Variants in FNDC3B observed in about 807,000 individuals in gnomAD.
The protein encoded by FNDC3B is fibronectin type III domain containing 3B.
Under a neutral mutation model 151.5 loss-of-function variants are expected in FNDC3B, and 12 were observed. That is an observed-to-expected ratio of 0.08 (90% CI 0.05 to 0.13). FNDC3B has a LOEUF of 0.13. Ranked by LOEUF, FNDC3B falls within the 10% of genes least tolerant of loss-of-function variation. The pLI is 1.00. For missense variants in FNDC3B, 1,214 were observed against 1,505.3 expected, an observed-to-expected ratio of 0.81 and a Z score of 3.20; for synonymous variants, 528 against 549.0, an observed-to-expected ratio of 0.96 and a Z score of 0.54.
chr3:172,365,441 C>T (rs1481697951), intron 23 of FNDC3B, among the ~76,000 whole-genome samples: 1 of 152,168 alleles, frequency 6.6e-6, no homozygotes, highest in East Asian at 1.9e-4. Context: ...ACTTTTCTTT[C>T]TTACCTGCAG....
At chr3:172,329,138 T>A in intron 12 of FNDC3B, 62 bp downstream of exon 12, 1 of 1,552,920 alleles carries the variant, frequency 6.4e-7, no homozygotes. Flanking sequence ...AGCCTTCTTT[T>A]ACATAGCTGG....
intron 6 of FNDC3B, among the ~76,000 whole-genome samples, chr3:172,269,575 T>C (rs1037058006): frequency 6.6e-6 from 1 of 152,170 alleles, no homozygotes; most frequent in African/African-American, 2.4e-5. Flanking sequence ...CAGCCTATTC[T>C]GGATTCTTCA....
chr3:172,149,932 C>T (rs113547644), intron 3 of FNDC3B, among the ~76,000 whole-genome samples: 2,643 of 149,984 alleles, frequency 0.018, 68 homozygotes, highest in African/African-American at 0.054. Flanking sequence ...GATTCTCGAG[C>T]CTCAGCCTCT....
chr3:172,119,340 T>C (rs528607576), intron 2 of FNDC3B, among the ~76,000 whole-genome samples: 1 of 145,774 alleles, frequency 6.9e-6, no homozygotes, highest in African/African-American at 2.6e-5. Flanking sequence ...GTTCTTGCCC[T>C]AAAGGAATGA....
intron 11 of FNDC3B, among the ~76,000 whole-genome samples, chr3:172,325,375 C>T (rs1304688312): frequency 6.6e-6 from 1 of 152,186 alleles, no homozygotes; most frequent in East Asian, 1.9e-4. Context: ...TGTCATTTAC[C>T]ATCTCTAAAA....
chr3:172,114,205 C>T (rs747481285), intron 2 of FNDC3B, among the ~76,000 whole-genome samples: 2 of 152,162 alleles, frequency 1.3e-5, no homozygotes, highest in Non-Finnish European at 2.9e-5. Flanking sequence ...CTGTCATTCT[C>T]TGCCTGCTCT....
chr3:172,212,565 T>C (rs933933248), intron 3 of FNDC3B, among the ~76,000 whole-genome samples: 1 of 152,234 alleles, frequency 6.6e-6, no homozygotes, highest in Non-Finnish European at 1.5e-5. Flanking sequence ...TTGAGGATGA[T>C]AGCAGGAAGA....
At position 172,276,327 on chromosome 3, in the gene FNDC3B, C is replaced by A. The variant is rs1729430788; in HGVS notation, c.791-9599C>A. On this transcript the variant is annotated intron_variant, in intron 6 of 25. Coordinates refer to ENST00000415807, the MANE Select transcript of FNDC3B (RefSeq NM_022763.4). Reference sequence around the variant, plus strand: ...AGGCCCAGAAGATAGCTTGAAGAGCCTCCTGCTGGCTACATTTAGGGCAAA... The same window carrying A: ...AGGCCCAGAAGATAGCTTGAAGAGCATCCTGCTGGCTACATTTAGGGCAAA... Among the ~76,000 whole-genome samples the A allele has an allele frequency of 2.6e-5, 4 of 152,242 alleles. No individual in the cohort carries two copies. The South Asian group carries it at 8.3e-4, about 32-fold the overall frequency.
At position 172,052,213 on chromosome 3, in the gene FNDC3B, G is replaced by A. The variant is rs541146879; in HGVS notation, c.-29+12442G>A. Reference sequence around the variant, plus strand: ...GATCCTTCCACCCTCAGCCTCCCACGTGAATGCCACTATGCCCAGATAATT... The same window carrying A: ...GATCCTTCCACCCTCAGCCTCCCACATGAATGCCACTATGCCCAGATAATT... On this transcript the variant is annotated intron_variant, in intron 1 of 25. Coordinates refer to ENST00000415807, the MANE Select transcript of FNDC3B (RefSeq NM_022763.4). Among the ~76,000 whole-genome samples, 652 of 150,210 alleles carry A rather than the reference G, an allele frequency of 4.3e-3. 4 individuals are homozygous for A. The highest frequency in any genetic ancestry group is 0.015 in the African/African-American group (628 of 40,886).
At chr3:172,147,708 T>G (rs1476307409) in intron 3 of FNDC3B, among the ~76,000 whole-genome samples, 1 of 152,158 alleles carries the variant, frequency 6.6e-6, no homozygotes, top group African/African-American at 2.4e-5. Flanking sequence ...AAATTTGTAT[T>G]TCTGAGATGT....
intron 11 of FNDC3B, among the ~76,000 whole-genome samples, chr3:172,326,827 A>G (rs1252218258): frequency 1.3e-5 from 2 of 152,054 alleles, no homozygotes; most frequent in Non-Finnish European, 2.9e-5. Context: ...TTTACTGGCT[A>G]CAGTTCTAAG....
At position 172,220,942 on chromosome 3, in the gene FNDC3B, A is replaced by C. The variant is rs1726249197; in HGVS notation, c.188-5929A>C. ...CTGGCTCTATTAAAAAAAAATAAAT[A>C]AATCTTCTTTTTCATGCTACTATTT... On this transcript the variant is annotated intron_variant, in intron 3 of 25. Transcript: ENST00000415807. Among the ~76,000 whole-genome samples the C allele has an allele frequency of 2.0e-5, 3 of 152,140 alleles. No homozygotes were observed. The South Asian group carries it at 6.2e-4, about 32-fold the overall frequency.
rs1235153643 is a variant in FNDC3B, at chr3:172,040,971, C to T, written c.-29+1200C>T. Among the ~76,000 whole-genome samples, 3 of 152,232 alleles carry T rather than the reference C, an allele frequency of 2.0e-5. No individual in the cohort carries two copies. Among genetic ancestry groups the T allele is most frequent in the Non-Finnish European group, 4.4e-5 (3 of 68,030 alleles). On this transcript the variant is annotated intron_variant, in intron 1 of 25. Transcript: ENST00000415807. The surrounding 1 kb of genome is among the most constrained non-coding windows in gnomAD (Gnocchi z 6.6). ...TTTGGAATCTCAGCTCCCACCCTGC[C>T]ATCCCAGACGAAGGGAAGCAATGGC...
intron 6 of FNDC3B, among the ~76,000 whole-genome samples, chr3:172,254,588 A>G: frequency 6.6e-6 from 1 of 152,172 alleles, no homozygotes; most frequent in Non-Finnish European, 1.5e-5. Flanking sequence ...CTTGTTTTCC[A>G]GAGTAAGCCT....
intron 3 of FNDC3B, among the ~76,000 whole-genome samples, chr3:172,189,614 C>CACCA (rs1036254004): frequency 2.0e-5 from 3 of 151,932 alleles, no homozygotes; most frequent in African/African-American, 7.3e-5. Flanking sequence ...AGGAGTTTGA[C>CACCA]ACCAGCCTGG....
At chr3:172,256,013 C>G (rs1020041617) in intron 6 of FNDC3B, among the ~76,000 whole-genome samples, 1 of 152,252 alleles carries the variant, frequency 6.6e-6, no homozygotes, top group Admixed American at 6.5e-5. Context: ...TGCATCCTCT[C>G]TTGTGACTAC....
intron 3 of FNDC3B, among the ~76,000 whole-genome samples, chr3:172,159,318 T>G (rs1405947024): frequency 2.6e-5 from 4 of 152,186 alleles, no homozygotes; most frequent in Non-Finnish European, 5.9e-5. Context: ...TGTGTGTCTG[T>G]TTCCAGGTCC....
intron 3 of FNDC3B, among the ~76,000 whole-genome samples, chr3:172,146,364 C>T (rs1406440890): frequency 6.6e-6 from 1 of 152,084 alleles, no homozygotes; most frequent in Admixed American, 6.6e-5. Context: ...GGCTTATATC[C>T]TTTTGCACAT....
intron 25 of FNDC3B, among the ~76,000 whole-genome samples, chr3:172,381,535 T>C (rs1047174354): frequency 6.6e-6 from 1 of 152,052 alleles, no homozygotes; most frequent in Non-Finnish European, 1.5e-5. Context: ...GTTTGTTACA[T>C]AGGTATACAT....
Sources: allele counts gnomAD v4.1 joint callset (sites outside exome capture counted in the v4.1 genomes callset), GRCh38; gene constraint gnomAD v4.1.1; non-coding constraint Gnocchi (gnomAD v3.1); transcripts MANE v1.5; gene names NCBI Gene and HGNC (gene_info 2026-07-23, HGNC 2026-07-21).